Variants in AGMO observed in about 807,000 individuals in gnomAD.
AGMO encodes alkylglycerol monooxygenase.
A neutral mutation model predicts 60.2 loss-of-function variants in AGMO; 75 were observed. That is an observed-to-expected ratio of 1.25 (90% confidence interval 1.03 to 1.51). The LOEUF is 1.51. Among genes scored for constraint, AGMO ranks in the 40% most tolerant of loss-of-function variants. The probability of loss-of-function intolerance (pLI) is 0.00; values close to 1 mark genes in which losing one functional copy is unlikely to be tolerated. For missense variants in AGMO, 763 were observed against 525.5 expected, an observed-to-expected ratio of 1.45 and a Z score of -4.42; for synonymous variants, 261 against 177.1, an observed-to-expected ratio of 1.47 and a Z score of -3.76.
chr7:15,393,173 T>C (rs144521083), intron 6 of AGMO, among the ~76,000 whole-genome samples: 4 of 152,224 alleles, frequency 2.6e-5, no homozygotes, highest in Non-Finnish European at 5.9e-5. Flanking sequence ...AAACCGCCTG[T>C]GCCCTCTGAT....
chr7:15,506,093 A>G (rs1290138260), intron 3 of AGMO, among the ~76,000 whole-genome samples: 1 of 152,072 alleles, frequency 6.6e-6, no homozygotes, highest in African/African-American at 2.4e-5. Flanking sequence ...CCTTATTTTT[A>G]TTAACATTCA....
intron 12 of AGMO, among the ~76,000 whole-genome samples, chr7:15,348,675 A>AT (rs1358878338): frequency 6.6e-6 from 1 of 152,074 alleles, no homozygotes; most frequent in East Asian, 1.9e-4. Context: ...ACTAGAAATA[A>AT]ATATGAGTAT....
chr7:15,523,375 A>G (rs987783560), intron 3 of AGMO, among the ~76,000 whole-genome samples: 2 of 152,248 alleles, frequency 1.3e-5, no homozygotes, highest in African/African-American at 4.8e-5. Flanking sequence ...ATAAAGACAC[A>G]TGCACACATA....
At chr7:15,344,484 G>C (rs1781964815) in intron 12 of AGMO, among the ~76,000 whole-genome samples, 1 of 152,140 alleles carries the variant, frequency 6.6e-6, no homozygotes, top group South Asian at 2.1e-4. Flanking sequence ...TGGACTGCTT[G>C]AGATCAGGAG....
At chr7:15,252,440 A>G (rs1261879650) in intron 12 of AGMO, among the ~76,000 whole-genome samples, 2 of 152,212 alleles carry the variant, frequency 1.3e-5, no homozygotes, top group African/African-American at 4.8e-5. Context: ...ATTACATTAC[A>G]TATGACTGTA....
the AGMO span, among the ~76,000 whole-genome samples, chr7:15,134,511 C>T: frequency 6.6e-6 from 1 of 152,122 alleles, no homozygotes; most frequent in South Asian, 2.1e-4. Context: ...TGCCCATGTG[C>T]ACCCAAAGTT....
At chr7:15,244,715 G>A (rs544006352) in intron 12 of AGMO, among the ~76,000 whole-genome samples, 19 of 152,106 alleles carry the variant, frequency 1.2e-4, no homozygotes, top group African/African-American at 2.9e-4. Flanking sequence ...GCAGTGGCGC[G>A]ATCTCGGCTC....
chr7:15,242,875 A>G (rs146956383), intron 12 of AGMO, among the ~76,000 whole-genome samples: 40 of 152,278 alleles, frequency 2.6e-4, no homozygotes, highest in Non-Finnish European at 5.4e-4. Flanking sequence ...AATAAGATAA[A>G]TGACATTAAG....
chr7:15,324,037 C>T (rs1290331654), intron 12 of AGMO, among the ~76,000 whole-genome samples: 3 of 152,120 alleles, frequency 2.0e-5, no homozygotes, highest in Non-Finnish European at 2.9e-5. Flanking sequence ...TGTAATTGTT[C>T]TATATACTAC....
intron 12 of AGMO, among the ~76,000 whole-genome samples, chr7:15,204,922 G>A (rs1004011398): frequency 6.6e-6 from 1 of 151,996 alleles, no homozygotes; most frequent in South Asian, 2.1e-4. Flanking sequence ...CGAACTCCTG[G>A]GCTCAAGCAC....
the AGMO span, among the ~76,000 whole-genome samples, chr7:15,180,463 T>C: frequency 6.6e-6 from 1 of 152,304 alleles, no homozygotes; most frequent in South Asian, 2.1e-4. Context: ...TTTACTGTAA[T>C]TTTTAATACT....
chr7:15,505,160 C>A (rs957251729), intron 3 of AGMO, among the ~76,000 whole-genome samples: 4 of 151,866 alleles, frequency 2.6e-5, no homozygotes, highest in African/African-American at 9.7e-5. Flanking sequence ...TACATTTTTT[C>A]ATGTAGTGAT....
At position 15,499,364 on chromosome 7, in the gene AGMO, T is replaced by C. The variant is rs755113455; in HGVS notation, c.409+45408A>G. 2.6e-5 allele frequency among the ~76,000 whole-genome samples: 4 copies of C among 152,032 alleles called. No homozygotes were observed. The South Asian group carries it at 8.3e-4, about 32-fold the overall frequency. ...TGAAGCAAACCCTCACCTCTACATG[T>C]ACGTAAAAAGTTGTAACATACTTCA... On this transcript the variant is annotated intron_variant, in intron 3 of 12. Coordinates refer to ENST00000342526, the MANE Select transcript of AGMO (RefSeq NM_001004320.2).
chr7:15,493,621 C>T (rs1218053966), intron 3 of AGMO, among the ~76,000 whole-genome samples: 7 of 151,766 alleles, frequency 4.6e-5, no homozygotes, highest in Non-Finnish European at 7.4e-5. Context: ...GTGATCCGCC[C>T]GCCTCGGCCT....
intron 12 of AGMO, among the ~76,000 whole-genome samples, chr7:15,322,557 AATATATAAAT>A (rs1427392214): frequency 5.0e-4 from 22 of 44,228 alleles, no homozygotes; most frequent in African/African-American, 1.3e-3. Flanking sequence ...AATATATATA[AATATATAAAT>A]ATATATAAAT....
At chr7:15,349,413 G>A (rs1478202713) in intron 12 of AGMO, among the ~76,000 whole-genome samples, 1 of 152,036 alleles carries the variant, frequency 6.6e-6, no homozygotes, top group Non-Finnish European at 1.5e-5. Flanking sequence ...TGACTTTATA[G>A]GTTGAAAGGG....
In AGMO at chr7:15,561,870, TG is replaced by T; in HGVS notation, c.-26del. 1.3e-6 allele frequency: 2 copies of T among 1,583,102 alleles called. No homozygotes were observed. The highest frequency in any genetic ancestry group is 1.7e-6 in the Non-Finnish European group (2 of 1,162,206). ...TTTCTGCCCTTGTCTGATTCCCAGC[TG>T]GAGAATATTTAGGATTCAATGCTTG... On this transcript the variant is annotated 5_prime_UTR_variant, in exon 1 of 13. Coordinates refer to ENST00000342526, the MANE Select transcript of AGMO (RefSeq NM_001004320.2).
intron 12 of AGMO, among the ~76,000 whole-genome samples, chr7:15,354,387 T>TGTATATAC (rs1234827335): frequency 1.8e-4 from 7 of 38,168 alleles, no homozygotes; most frequent in Non-Finnish European, 2.1e-4. Flanking sequence ...TATACACGTG[T>TGTATATAC]GTGTATACAC....
At chr7:15,250,885 C>T (rs1390633683) in intron 12 of AGMO, among the ~76,000 whole-genome samples, 1 of 151,646 alleles carries the variant, frequency 6.6e-6, no homozygotes, top group Non-Finnish European at 1.5e-5. Flanking sequence ...GCAGACGTTG[C>T]AGTGAGCCGA....
Sources: gnomAD v4.1 joint callset for allele counts (sites outside exome capture counted in the v4.1 genomes callset) on GRCh38, gnomAD v4.1.1 for gene constraint, MANE v1.5 for transcripts, NCBI Gene and HGNC (gene_info 2026-07-23, HGNC 2026-07-21) for gene names.